Variants in SPTAN1 observed in about 807,000 individuals in gnomAD.
SPTAN1 encodes spectrin alpha, non-erythrocytic 1, also known as spectrin alpha chain, non-erythrocytic 1.
A neutral mutation model predicts 331.3 loss-of-function variants in SPTAN1; 61 were observed. The observed-to-expected ratio is 0.18, with a 90% CI of 0.15 to 0.23. The LOEUF (loss-of-function observed/expected upper bound fraction) is 0.23. Ranked by LOEUF, SPTAN1 falls within the 10% of genes least tolerant of loss-of-function variation. The pLI, the probability that SPTAN1 is intolerant of heterozygous loss-of-function variation, is 1.00. For missense variants in SPTAN1, 2,043 were observed against 3,147.9 expected, an observed-to-expected ratio of 0.65 and a Z score of 8.40; for synonymous variants, 1,153 against 1,173.9, an observed-to-expected ratio of 0.98 and a Z score of 0.36.
At chr9:128,615,882 A>G in intron 41 of SPTAN1, 42 bp downstream of exon 41, 1 of 1,602,642 alleles carries the variant, frequency 6.2e-7, no homozygotes, top group Non-Finnish European at 8.5e-7. Context: ...TACGCCTGTA[A>G]TAGTGGGCAG....
chr9:128,611,619 T>G, intron 37 of SPTAN1, 95 bp from the exon 38 acceptor site: 1 of 1,470,968 alleles, frequency 6.8e-7, no homozygotes, highest in Admixed American at 1.8e-5. Context: ...GTTCTTTATG[T>G]TTGCTGCCAC....
At chr9:128,602,238 A>T (rs1855260844) in intron 27 of SPTAN1, among the ~76,000 whole-genome samples, 1 of 139,384 alleles carries the variant, frequency 7.2e-6, no homozygotes. Context: ...TTTTTTTGAG[A>T]CAGAGTCTTG....
chr9:128,575,231 G>A lies in SPTAN1; in HGVS notation c.537G>A (p.Gln179=). The A allele has an allele frequency of 6.2e-7, 1 of 1,614,154 alleles. No homozygotes were observed. The highest frequency in any genetic ancestry group is 1.3e-5 in the African/African-American group (1 of 75,034). The change falls in exon 5 of 57, where the codon CAG becomes CAA. Residue 179 remains glutamine (Q), a synonymous_variant. Coordinates refer to ENST00000372739, the MANE Select transcript of SPTAN1 (RefSeq NM_001130438.3). ...TTGTTACTTCTGAAGAGCTGGGCCA[G>A]GATCTGGAGCATGTAGAGGTTTTAC... ...EAIVTSEELG[Q]DLEHVEVLQK... is the part of the protein sequence containing the mutation.
rs1227931545 is a variant in SPTAN1 at position 128,626,539 on chromosome 9, C to T, written c.6428C>T (p.Ser2143Phe). 3 of 1,614,148 alleles carry T rather than the reference C, an allele frequency of 1.9e-6. No homozygotes were observed. Among genetic ancestry groups the T allele is most frequent in the African/African-American group, 1.3e-5 (1 of 75,056 alleles). ...CGCGAGGCCCACGACGCCTTCCGCT[C>T]CTCCCTCAGCTCTGCCCAGGCTGAC... ...ALREAHDAFR[S>F]SLSSAQADFN... The change falls in exon 49 of 57, where the codon TCC (serine) becomes TTC (phenylalanine). Residue 2143 changes from serine to phenylalanine, a missense_variant. Physicochemically the swap from Ser to Phe is radical, Grantham distance 155 (BLOSUM62 -2). Coordinates refer to ENST00000372739, the MANE Select transcript of SPTAN1 (RefSeq NM_001130438.3).
chr9:128,554,897 A>G (rs1848472623), intron 1 of SPTAN1, among the ~76,000 whole-genome samples: 1 of 152,206 alleles, frequency 6.6e-6, no homozygotes, highest in African/African-American at 2.4e-5. Context: ...TGTACTGGCA[A>G]ACTAGGCCCA....
chr9:128,557,047 AT>A (rs1564176052), intron 1 of SPTAN1, among the ~76,000 whole-genome samples: 1 of 152,174 alleles, frequency 6.6e-6, no homozygotes, highest in Non-Finnish European at 1.5e-5. Context: ...GGTTCTGCAC[AT>A]TTGGGTTCTG....
chr9:128,624,533 C>G, intron 46 of SPTAN1, 46 bp downstream of exon 46: 1 of 1,604,478 alleles, frequency 6.2e-7, no homozygotes, highest in Non-Finnish European at 8.5e-7. Context: ...CAGAGCTGCT[C>G]TTTGTCTCCT....
rs114297852 is a variant in SPTAN1 at position 128,564,940 on chromosome 9, T to G, written c.-3-1798T>G. 9.9e-3 allele frequency among the ~76,000 whole-genome samples: 1,502 copies of G among 152,252 alleles called. 25 individuals are homozygous for G. The highest frequency in any genetic ancestry group is 0.034 in the African/African-American group (1,414 of 41,534). ...AAGGGTAGGGGTCACGGGTGAGAGA[T>G]AATACCAGGCAGGCATGTTGGGCCA... On this transcript the variant is annotated intron_variant, in intron 1 of 56. Coordinates refer to ENST00000372739, the MANE Select transcript of SPTAN1 (RefSeq NM_001130438.3).
At position 128,584,421 on chromosome 9, in the gene SPTAN1, A is replaced by C; in HGVS notation, c.2333A>C (p.Gln778Pro). 6.2e-7 allele frequency: 1 copy of C among 1,614,206 alleles called. No individual in the cohort carries two copies. Among genetic ancestry groups the C allele is most frequent in the Non-Finnish European group, 8.5e-7 (1 of 1,180,042 alleles). ...AAGGAGCCCATGGTTGCCCGGAAGC[A>C]GAAGCTGGCCGATTCTCTGCGGTTG... is the stretch of plus-strand genomic sequence containing the variant. ...ALKEPMVARK[Q>P]KLADSLRLQQ... Residue 778 changes from glutamine (Q) to proline (P), a missense_variant, in exon 17 of 57, where the codon CAG becomes CCG. Physicochemically the swap from Gln to Pro is moderately conservative, Grantham distance 76. This residue lies in a region of SPTAN1 where 1,038 missense variants were observed against 1,531.5 expected (regional missense o/e 0.68). Transcript: ENST00000372739.
intron 1 of SPTAN1, among the ~76,000 whole-genome samples, chr9:128,561,885 T>C (rs752548837): frequency 3.3e-5 from 5 of 152,006 alleles, no homozygotes; most frequent in Admixed American, 6.6e-5. Flanking sequence ...ATCTATAATA[T>C]GTGCCAAGTC....
Position 128,626,704 on chromosome 9 carries a change from C to T in SPTAN1, c.6576+17C>T, listed in dbSNP as rs1328483857. The T allele has an allele frequency of 1.3e-6, 2 of 1,594,210 alleles. No homozygotes were observed. Among genetic ancestry groups the T allele is most frequent in the African/African-American group, 1.3e-5 (1 of 74,726 alleles). ...ATCATCAAGGTACACCTCCCGCTGC[C>T]CTCAGGAGCTGCTCGGCCTCCCAGA... On this transcript the variant is annotated intron_variant, in intron 49 of 56. Transcript: ENST00000372739.
At chr9:128,582,124 A>G (rs1180373760) in intron 12 of SPTAN1, among the ~76,000 whole-genome samples, 6 of 152,224 alleles carry the variant, frequency 3.9e-5, no homozygotes, top group African/African-American at 1.2e-4. Context: ...TGTACCCTTC[A>G]TTAAAAGTAG....
At chr9:128,587,772 A>C in intron 20 of SPTAN1, 74 bp downstream of exon 20, 1 of 1,215,534 alleles carries the variant, frequency 8.2e-7, no homozygotes, top group Middle Eastern at 1.9e-4. Context: ...AGGTGTTCCT[A>C]TCATAGGCCC....
chr9:128,604,518 C>G, intron 29 of SPTAN1, 101 bp downstream of exon 29: 1 of 1,137,768 alleles, frequency 8.8e-7, no homozygotes, highest in Non-Finnish European at 1.3e-6. Flanking sequence ...CAACTGCTGG[C>G]TCTTACTGAT....
intron 1 of SPTAN1, chr9:128,555,204 A>C: frequency 2.1e-6 from 1 of 484,916 alleles, no homozygotes; most frequent in Non-Finnish European, 3.4e-6. Context: ...CGCTATACAG[A>C]ATGTCAGAGA....
chr9:128,633,148 A>AGGTC, intron 56 of SPTAN1, 61 bp from the exon 57 acceptor site: 3 of 1,612,144 alleles, frequency 1.9e-6, no homozygotes, highest in Non-Finnish European at 2.5e-6. Context: ...GAGACCTGGG[A>AGGTC]GGTCGGGTTT....
At position 128,586,822 on chromosome 9, in the gene SPTAN1, C is replaced by CTT. The variant is rs35875935; in HGVS notation, c.2779-774_2779-773dup. ...TAGAATGAGTTGAATTTTTCCTTTT[C>CTT]TTTTTTTTTTTCTGAGACAGAGTCT... On this transcript the variant is annotated intron_variant, in intron 19 of 56. Transcript: ENST00000372739. Among the ~76,000 whole-genome samples, 1,458 of 146,562 alleles carry CTT rather than the reference C, an allele frequency of 9.9e-3. 11 individuals carry two copies. Among genetic ancestry groups the CTT allele is most frequent in the Non-Finnish European group, 0.015 (988 of 66,772 alleles).
At chr9:128,623,227 C>T (rs188302998) in intron 45 of SPTAN1, among the ~76,000 whole-genome samples, 86 of 150,402 alleles carry the variant, frequency 5.7e-4, no homozygotes, top group Non-Finnish European at 9.9e-4. Flanking sequence ...TGGCTAATTT[C>T]TTTCTTTTTT....
At chr9:128,602,636 TTTTA>T (rs527640924) in intron 27 of SPTAN1, among the ~76,000 whole-genome samples, 35 of 151,940 alleles carry the variant, frequency 2.3e-4, no homozygotes, top group African/African-American at 7.5e-4. Context: ...TTTATTTGTA[TTTTA>T]TTTATTTATT....
Sources: allele counts gnomAD v4.1 joint callset (sites outside exome capture counted in the v4.1 genomes callset), GRCh38; gene constraint gnomAD v4.1.1; regional missense constraint gnomAD v4.1.1; transcripts MANE v1.5; gene names NCBI Gene and HGNC (gene_info 2026-07-23, HGNC 2026-07-21).